The following SUSD5 variants were observed in gnomAD, a reference collection of about 807,000 sequenced individuals.
The protein encoded by SUSD5 is sushi domain-containing protein 5.
In SUSD5, 33 loss-of-function variants were observed where a neutral mutation model predicts 29.5. That is an observed-to-expected ratio of 1.12 (90% CI 0.85 to 1.49). The LOEUF (loss-of-function observed/expected upper bound fraction) is 1.49. Ranked by LOEUF, SUSD5 falls within the 40% of genes most tolerant of loss-of-function variation. The pLI is 0.00. For missense variants in SUSD5, 776 were observed against 800.6 expected (o/e 0.97, Z 0.37); for synonymous variants, 308 against 325.3 (o/e 0.95, Z 0.57).
At chr3:33,154,936 T>C (rs6780813) in intron 4 of SUSD5, among the ~76,000 whole-genome samples, 23,941 of 152,166 alleles carry the variant, frequency 0.16, 2,401 homozygotes, top group East Asian at 0.38. Context: ...ATGCAATGGA[T>C]GGAAGTTTAT....
intron 3 of SUSD5, among the ~76,000 whole-genome samples, chr3:33,195,262 G>A (rs1182941486): frequency 6.6e-6 from 1 of 152,156 alleles, no homozygotes; most frequent in Non-Finnish European, 1.5e-5. Flanking sequence ...TTTGTTCTGA[G>A]TCCTTAAAAT....
At chr3:33,186,429 C>CA (rs2031780899) in intron 3 of SUSD5, among the ~76,000 whole-genome samples, 5 of 146,336 alleles carry the variant, frequency 3.4e-5, no homozygotes. Context: ...TCCTTTCTTT[C>CA]TTTTTTTTTT....
intron 3 of SUSD5, among the ~76,000 whole-genome samples, chr3:33,175,840 C>T (rs1181444375): frequency 6.6e-6 from 1 of 152,126 alleles, no homozygotes; most frequent in African/African-American, 2.4e-5. Context: ...TCCACTGATA[C>T]CTCATTATCA....
Position 33,153,260 on chromosome 3 carries a change from C to A in SUSD5, c.1372G>T (p.Glu458Ter). 2 of 1,613,952 alleles carry A rather than the reference C, an allele frequency of 1.2e-6. No homozygotes were observed. The highest frequency in any genetic ancestry group is 1.7e-6 in the Non-Finnish European group (2 of 1,179,890). The change falls in exon 5 of 5, where the codon GAG becomes TAG. Residue 458 changes from glutamate (E) to a stop codon, truncating the protein, a stop_gained. Coordinates refer to ENST00000309558, the MANE Select transcript of SUSD5 (RefSeq NM_015551.2). LOFTEE classifies it low-confidence loss of function (END_TRUNC). ...ALRPVNASETEGIGDGDLTKY... is the reference protein window; with the variant it reads ...ALRPVNASET ...GTCAAGTCACCATCCCCAATGCCCT[C>A]AGTCTCGGAAGCATTCACGGGTCTG...
At chr3:33,214,166 C>T (rs968341786) in intron 1 of SUSD5, 61 bp from the exon 2 acceptor site, 1 of 1,497,272 alleles carries the variant, frequency 6.7e-7, no homozygotes, top group Non-Finnish European at 9.0e-7. Flanking sequence ...TTAGTCTCAG[C>T]AAACATCCTC....
At position 33,154,018 on chromosome 3, in the gene SUSD5, T is replaced by C; in HGVS notation, c.614A>G (p.His205Arg). ...QACGKDEAEA[H>R]IDYEDNFPDD... ...AGGGAAGTTATCTTCATAGTCAATG[T>C]GTGCCTCAGCCTCATCTGGAAGAAA... Residue 205 changes from histidine to arginine, a missense_variant, in exon 5 of 5, where the codon CAC becomes CGC. Coordinates refer to ENST00000309558, the MANE Select transcript of SUSD5 (RefSeq NM_015551.2). The C allele has an allele frequency of 6.3e-7, 1 of 1,598,848 alleles. No homozygotes were observed. The highest frequency in any genetic ancestry group is 8.5e-7 in the Non-Finnish European group (1 of 1,173,994).
At position 33,152,998 on chromosome 3, in the gene SUSD5, T is replaced by G; in HGVS notation, c.1634A>C (p.Glu545Ala). 2 of 1,613,810 alleles carry G rather than the reference T, an allele frequency of 1.2e-6. No homozygotes were observed. Among genetic ancestry groups the G allele is most frequent in the Non-Finnish European group, 1.7e-6 (2 of 1,179,786 alleles). Residue 545 changes from glutamate (E) to alanine (A), a missense_variant, in exon 5 of 5, where the codon GAA becomes GCA. By Grantham distance (107) the Glu-to-Ala change is moderately radical. Coordinates refer to ENST00000309558, the MANE Select transcript of SUSD5 (RefSeq NM_015551.2). ...CTCACTTGCACCTGGCCCGGGGCCT[T>G]CCTGTCCAAAGAAGTCTTCAGACAG... ...YLLSEDFFGQ[E>A]GPGPGASEEL...
In SUSD5 at chr3:33,158,089, G is replaced by A. The variant is rs1480842501; in HGVS notation, c.599-4056C>T. 3.3e-5 allele frequency among the ~76,000 whole-genome samples: 5 copies of A among 152,182 alleles called. No individual in the cohort carries two copies. In the East Asian group the frequency reaches 7.7e-4, roughly 23 times the overall value. On this transcript the variant is annotated intron_variant, in intron 4 of 4. Coordinates refer to ENST00000309558, the MANE Select transcript of SUSD5 (RefSeq NM_015551.2). Reference sequence around the variant, plus strand: ...AGTGAGTGAAAGAATAAATGGTTCTGGAAGGAAAACAAGGAAAAGTCTGCA... The same window carrying A: ...AGTGAGTGAAAGAATAAATGGTTCTAGAAGGAAAACAAGGAAAAGTCTGCA...
intron 4 of SUSD5, among the ~76,000 whole-genome samples, chr3:33,160,063 A>G (rs2031148064): frequency 6.6e-6 from 1 of 152,204 alleles, no homozygotes; most frequent in Non-Finnish European, 1.5e-5. Flanking sequence ...AAGACTTCAC[A>G]TTGTGCAAGG....
Position 33,163,135 on chromosome 3 carries a change from T to C in SUSD5, c.599-9102A>G, listed in dbSNP as rs2031228516. ...GTTTAAGAGGATAATTCCAATCTTA[T>C]ACAAACTCTTCCAGACAAAAGAGAA... On this transcript the variant is annotated intron_variant, in intron 4 of 4. Transcript: ENST00000309558. Among the ~76,000 whole-genome samples, 3 of 152,074 alleles carry C rather than the reference T, an allele frequency of 2.0e-5. No individual in the cohort carries two copies. The South Asian group carries it at 6.2e-4, about 31-fold the overall frequency.
At position 33,174,870 on chromosome 3, in the gene SUSD5, T is replaced by C. The variant is rs755525178; in HGVS notation, c.598+16A>G. On this transcript the variant is annotated intron_variant, in intron 4 of 4. Coordinates refer to ENST00000309558, the MANE Select transcript of SUSD5 (RefSeq NM_015551.2). ...TGCGTGGGCACGCGAAGGTGGCCCATCCCTGGGCTGCTTACCTTTCCCACA... is the reference window on the plus strand; with the variant it reads ...TGCGTGGGCACGCGAAGGTGGCCCACCCCTGGGCTGCTTACCTTTCCCACA... The C allele has an allele frequency of 6.2e-7, 1 of 1,613,310 alleles. No individual in the cohort carries two copies. The highest frequency in any genetic ancestry group is 1.7e-5 in the Admixed American group (1 of 60,008).
intron 3 of SUSD5, among the ~76,000 whole-genome samples, chr3:33,195,858 G>A (rs1029180110): frequency 2.0e-5 from 3 of 151,898 alleles, no homozygotes; most frequent in Non-Finnish European, 4.4e-5. Context: ...CTTGTATTAG[G>A]GAAGACTGAT....
At chr3:33,173,288 G>C (rs546601306) in intron 4 of SUSD5, among the ~76,000 whole-genome samples, 2 of 152,218 alleles carry the variant, frequency 1.3e-5, no homozygotes, top group Non-Finnish European at 2.9e-5. Flanking sequence ...AGCAGACTGG[G>C]CAAATACTTT....
intron 3 of SUSD5, among the ~76,000 whole-genome samples, chr3:33,179,924 T>C (rs2031634774): frequency 1.3e-5 from 2 of 152,226 alleles, no homozygotes; most frequent in Non-Finnish European, 2.9e-5. Context: ...GTAGCCATTG[T>C]AAAATCATAG....
chr3:33,172,109 G>T (rs1356297295), intron 4 of SUSD5, among the ~76,000 whole-genome samples: 1 of 151,674 alleles, frequency 6.6e-6, no homozygotes, highest in Non-Finnish European at 1.5e-5. Context: ...CAAAATCCTT[G>T]TTTGACCCAC....
chr3:33,203,676 C>G (rs1184839406), intron 3 of SUSD5, among the ~76,000 whole-genome samples: 3 of 152,154 alleles, frequency 2.0e-5, no homozygotes, highest in Non-Finnish European at 4.4e-5. Context: ...GCTCAGGGAG[C>G]CCAAAAGCTG....
intron 3 of SUSD5, among the ~76,000 whole-genome samples, chr3:33,194,956 A>C (rs1050220253): frequency 3.9e-5 from 6 of 152,194 alleles, no homozygotes; most frequent in African/African-American, 7.2e-5. Flanking sequence ...GCACTTTGGG[A>C]GGCCGAGGTG....
chr3:33,186,785 TGAA>T (rs2031788283), intron 3 of SUSD5, among the ~76,000 whole-genome samples: 2 of 152,238 alleles, frequency 1.3e-5, no homozygotes, highest in South Asian at 2.1e-4. Flanking sequence ...AGATTTTGAA[TGAA>T]GAAGTGTGTG....
At chr3:33,203,764 T>C (rs2032163552) in intron 3 of SUSD5, among the ~76,000 whole-genome samples, 2 of 152,218 alleles carry the variant, frequency 1.3e-5, no homozygotes, top group Admixed American at 6.5e-5. Context: ...GCCCTCGTTG[T>C]GCCCGGGTCT....
Sources: allele counts gnomAD v4.1 joint callset (sites outside exome capture counted in the v4.1 genomes callset), GRCh38; gene constraint gnomAD v4.1.1; transcripts MANE v1.5; gene names NCBI Gene and HGNC (gene_info 2026-07-23, HGNC 2026-07-21).